The following GALNT13 variants were observed in gnomAD, a reference collection of about 807,000 sequenced individuals.
GALNT13 encodes the protein UDP-GalNAc:polypeptide N-acetylgalactosaminyltransferase 13.
GALNT13 carries 28 observed loss-of-function variants against 64.2 expected under a neutral mutation model. The ratio of observed to expected loss-of-function variants is 0.44; its 90% CI spans 0.32 to 0.60. GALNT13 has a LOEUF of 0.60. Ranked by LOEUF, GALNT13 falls within the 20% of genes least tolerant of loss-of-function variation. GALNT13 has a pLI of 0.05. For missense variants in GALNT13, 577 were observed against 669.8 expected (o/e 0.86, Z 1.53); for synonymous variants, 214 against 224.6 (o/e 0.95, Z 0.42).
chr2:153,074,270 G>C, the GALNT13 span, among the ~76,000 whole-genome samples: 4 of 152,156 alleles, frequency 2.6e-5, no homozygotes, highest in African/African-American at 9.7e-5. Flanking sequence ...TATGTACTCT[G>C]AGATAAATAC....
the GALNT13 span, among the ~76,000 whole-genome samples, chr2:153,534,868 T>C: frequency 1.3e-5 from 2 of 152,198 alleles, no homozygotes; most frequent in Non-Finnish European, 2.9e-5. Flanking sequence ...TTTGTGATTC[T>C]TCAGTTACTT....
At chr2:153,931,755 A>G (rs1690535786) in intron 2 of GALNT13, among the ~76,000 whole-genome samples, 1 of 152,044 alleles carries the variant, frequency 6.6e-6, no homozygotes, top group South Asian at 2.1e-4. Context: ...GTTTGCTAGT[A>G]TGTTGCTTTT....
chr2:153,211,263 C>A, the GALNT13 span, among the ~76,000 whole-genome samples: 1 of 151,828 alleles, frequency 6.6e-6, no homozygotes, highest in African/African-American at 2.4e-5. Context: ...CTGCCTCAGC[C>A]TCCCAAGCAG....
the GALNT13 span, among the ~76,000 whole-genome samples, chr2:153,568,629 T>A: frequency 6.6e-6 from 1 of 152,220 alleles, no homozygotes; most frequent in African/African-American, 2.4e-5. Context: ...TTTCTACCCA[T>A]TGAGTTGTGA....
the GALNT13 span, among the ~76,000 whole-genome samples, chr2:153,569,370 T>C: frequency 6.6e-6 from 1 of 152,066 alleles, no homozygotes; most frequent in South Asian, 2.1e-4. Flanking sequence ...TTAAAAATTA[T>C]CTGCTCAGGC....
chr2:153,720,913 C>T, the GALNT13 span, among the ~76,000 whole-genome samples: 4 of 151,768 alleles, frequency 2.6e-5, no homozygotes, highest in Admixed American at 6.6e-5. Flanking sequence ...GAGAACTTCC[C>T]CAATCTAGCA....
the GALNT13 span, among the ~76,000 whole-genome samples, chr2:153,731,036 T>A: frequency 6.6e-6 from 1 of 151,772 alleles, no homozygotes; most frequent in Non-Finnish European, 1.5e-5. Flanking sequence ...ATGTCCATTA[T>A]TAGATGATTG....
the GALNT13 span, among the ~76,000 whole-genome samples, chr2:153,105,546 T>C: frequency 2.6e-5 from 4 of 152,180 alleles, no homozygotes; most frequent in African/African-American, 9.6e-5. Flanking sequence ...GAGAAGGAAA[T>C]AAAGGGCGTT....
At chr2:153,856,721 A>G in the GALNT13 span, among the ~76,000 whole-genome samples, 3 of 152,156 alleles carry the variant, frequency 2.0e-5, no homozygotes, top group Admixed American at 6.5e-5. Flanking sequence ...GACAGTTTCT[A>G]ATGAAGTTGA....
At chr2:153,126,229 T>C in the GALNT13 span, among the ~76,000 whole-genome samples, 1 of 150,580 alleles carries the variant, frequency 6.6e-6, no homozygotes, top group Non-Finnish European at 1.5e-5. Flanking sequence ...TATTTTTTTA[T>C]GATGAAGAAT....
chr2:153,205,093 G>A, the GALNT13 span, among the ~76,000 whole-genome samples: 6 of 152,076 alleles, frequency 3.9e-5, no homozygotes, highest in African/African-American at 1.4e-4. Flanking sequence ...TGATACTCAT[G>A]GTGAAGATAG....
At position 154,140,399 on chromosome 2, in the gene GALNT13, G is replaced by T. The variant is rs1310780916; in HGVS notation, c.205G>T (p.Asp69Tyr). The T allele has an allele frequency of 2.5e-6, 4 of 1,612,984 alleles. No homozygotes were observed. Among genetic ancestry groups the T allele is most frequent in the Admixed American group, 3.3e-5 (2 of 59,948 alleles). ...EMGKAVLIPK[D>Y]DQEKMKELFK... Reference sequence around the variant, plus strand: ...GGGAAAAGCTGTGTTGATTCCTAAAGATGACCAGGAGAAAATGAAAGAGCT... The same window carrying T: ...GGGAAAAGCTGTGTTGATTCCTAAATATGACCAGGAGAAAATGAAAGAGCT... The change falls in exon 4 of 13, where the codon GAT becomes TAT. Residue 69 changes from aspartate (D) to tyrosine (Y), a missense_variant. Around this residue, in one of 3 missense-constraint regions of GALNT13, gnomAD observed 341 missense variants for 379.3 expected, o/e 0.90. Transcript: ENST00000392825.
the GALNT13 span, among the ~76,000 whole-genome samples, chr2:153,157,888 A>G: frequency 6.6e-6 from 1 of 152,238 alleles, no homozygotes; most frequent in Non-Finnish European, 1.5e-5. Flanking sequence ...GAGTGAATCT[A>G]TAAATTCAAT....
intron 9 of GALNT13, among the ~76,000 whole-genome samples, chr2:154,307,291 G>A (rs1210936235): frequency 2.6e-5 from 4 of 152,056 alleles, no homozygotes; most frequent in Non-Finnish European, 5.9e-5. Flanking sequence ...AATAAAAGCA[G>A]ACAATAAAAT....
chr2:153,493,374 T>A, the GALNT13 span, among the ~76,000 whole-genome samples: 2 of 152,076 alleles, frequency 1.3e-5, no homozygotes, highest in Non-Finnish European at 2.9e-5. Flanking sequence ...AATAGAATAT[T>A]GTCAACAACC....
the GALNT13 span, among the ~76,000 whole-genome samples, chr2:153,167,355 A>G: frequency 6.6e-6 from 1 of 152,344 alleles, no homozygotes. Context: ...GAGGTTAGGC[A>G]TATTTTTCTT....
the GALNT13 span, among the ~76,000 whole-genome samples, chr2:153,375,344 A>G: frequency 2.6e-5 from 4 of 152,188 alleles, no homozygotes; most frequent in Non-Finnish European, 5.9e-5. Context: ...TATATAATGT[A>G]TAAATTCACT....
At chr2:153,429,189 C>T in the GALNT13 span, among the ~76,000 whole-genome samples, 2 of 152,250 alleles carry the variant, frequency 1.3e-5, no homozygotes, top group African/African-American at 4.8e-5. Flanking sequence ...TAACTCATTA[C>T]TCCATAGTTT....
At chr2:153,384,158 G>A in the GALNT13 span, among the ~76,000 whole-genome samples, 1 of 151,874 alleles carries the variant, frequency 6.6e-6, no homozygotes, top group Non-Finnish European at 1.5e-5. Context: ...TGTGAAATAG[G>A]ATTTTTTCCT....
Sources: allele counts gnomAD v4.1 joint callset (sites outside exome capture counted in the v4.1 genomes callset), GRCh38; gene constraint gnomAD v4.1.1; regional missense constraint gnomAD v4.1.1; transcripts MANE v1.5; gene names NCBI Gene and HGNC (gene_info 2026-07-23, HGNC 2026-07-21).